JPH3: variants seen among roughly 807,000 people sequenced by gnomAD.
The protein encoded by JPH3 is junctophilin-3.
In JPH3, 11 loss-of-function variants were observed where a neutral mutation model predicts 59.6. The observed-to-expected ratio is 0.18, with a 90% CI of 0.12 to 0.31. The LOEUF (loss-of-function observed/expected upper bound fraction) is 0.31, where lower values mean the gene tolerates loss of function less well. Among genes scored for constraint, JPH3 ranks in the 10% least tolerant of loss-of-function variants. The probability of loss-of-function intolerance (pLI) is 1.00; values close to 1 mark genes in which losing one functional copy is unlikely to be tolerated. For missense variants in JPH3, 1,202 were observed against 1,105.7 expected (o/e 1.09, Z -1.24); for synonymous variants, 673 against 483.6 (o/e 1.39, Z -5.14).
intron 2 of JPH3, among the ~76,000 whole-genome samples, chr16:87,683,211 C>T (rs867930286): frequency 5.3e-5 from 8 of 152,360 alleles, no homozygotes; most frequent in Middle Eastern, 3.4e-3. Context: ...CAGACACACA[C>T]AGCACAGCGG....
chr16:87,685,355 C>T (rs900984172), intron 3 of JPH3, among the ~76,000 whole-genome samples: 9 of 152,262 alleles, frequency 5.9e-5, no homozygotes, highest in African/African-American at 2.2e-4. Flanking sequence ...CCTGGCCCCT[C>T]CAGACACACG....
intron 1 of JPH3, among the ~76,000 whole-genome samples, chr16:87,634,994 C>T (rs1418597281): frequency 1.3e-5 from 2 of 152,198 alleles, no homozygotes; most frequent in African/African-American, 2.4e-5. Context: ...TGAAAGGTGA[C>T]CTCCGCCTGC....
At chr16:87,646,011 G>A (rs2032136081) in intron 2 of JPH3, among the ~76,000 whole-genome samples, 1 of 152,234 alleles carries the variant, frequency 6.6e-6, no homozygotes, top group African/African-American at 2.4e-5. Flanking sequence ...GGCCCTTGGG[G>A]TAGCCCGGAG....
intron 4 of JPH3, among the ~76,000 whole-genome samples, chr16:87,692,536 C>T (rs979779090): frequency 2.0e-5 from 3 of 151,256 alleles, no homozygotes; most frequent in South Asian, 2.1e-4. Context: ...AGAGCTCACA[C>T]GCCAGAGGCC....
intron 1 of JPH3, among the ~76,000 whole-genome samples, chr16:87,630,659 T>C (rs1272896596): frequency 6.6e-6 from 1 of 152,208 alleles, no homozygotes; most frequent in East Asian, 1.9e-4. Context: ...GTGCCCATAG[T>C]TTAAGGTGAC....
intron 1 of JPH3, among the ~76,000 whole-genome samples, chr16:87,636,943 G>A (rs556055867): frequency 6.6e-6 from 1 of 152,296 alleles, no homozygotes; most frequent in East Asian, 1.9e-4. Flanking sequence ...GGACGCGGCT[G>A]CCTGGTTTCA....
At chr16:87,623,507 C>T (rs2031264456) in intron 1 of JPH3, among the ~76,000 whole-genome samples, 1 of 152,236 alleles carries the variant, frequency 6.6e-6, no homozygotes, top group South Asian at 2.1e-4. Flanking sequence ...GGGCTTGAGG[C>T]ATCTTCTAGT....
chr16:87,682,754 G>A (rs1319728178), intron 2 of JPH3, among the ~76,000 whole-genome samples: 3 of 152,192 alleles, frequency 2.0e-5, no homozygotes, highest in Non-Finnish European at 4.4e-5. Context: ...TCTGCTCGGA[G>A]GGGGGATTTG....
At position 87,689,732 on chromosome 16, in the gene JPH3, C is replaced by T; in HGVS notation, c.1372C>T (p.Pro458Ser). The T allele has an allele frequency of 6.2e-7, 1 of 1,612,480 alleles. No individual in the cohort carries two copies. Residue 458 changes from proline to serine, a missense_variant, in exon 4 of 5, where the codon CCC (proline) becomes TCC (serine). Pro to Ser is a moderately conservative substitution (Grantham distance 74, BLOSUM62 -1). Transcript: ENST00000284262. ...STGTPLQQES[P>S]ELYRKGTTPS... Reference sequence around the variant, plus strand: ...CGGGACACCCCTGCAGCAGGAGAGCCCCGAGCTGTACCGCAAGGGCACCAC... The same window carrying T: ...CGGGACACCCCTGCAGCAGGAGAGCTCCGAGCTGTACCGCAAGGGCACCAC...
At chr16:87,658,766 C>G (rs2032596690) in intron 2 of JPH3, among the ~76,000 whole-genome samples, 1 of 152,242 alleles carries the variant, frequency 6.6e-6, no homozygotes, top group African/African-American at 2.4e-5. Flanking sequence ...TCTCCTCCAG[C>G]CACCCCTCAC....
intron 1 of JPH3, among the ~76,000 whole-genome samples, chr16:87,606,079 C>T (rs2150819600): frequency 6.6e-6 from 1 of 152,328 alleles, no homozygotes; most frequent in East Asian, 1.9e-4. Flanking sequence ...TGTCCCCAGG[C>T]AGCCCATGGA....
chr16:87,648,077 G>A (rs2032211753), intron 2 of JPH3, among the ~76,000 whole-genome samples: 1 of 152,182 alleles, frequency 6.6e-6, no homozygotes, highest in African/African-American at 2.4e-5. Context: ...CCCCAGCCCT[G>A]CTGTGACAGG....
intron 1 of JPH3, among the ~76,000 whole-genome samples, chr16:87,638,630 G>A (rs2031837503): frequency 6.6e-6 from 1 of 152,152 alleles, no homozygotes; most frequent in African/African-American, 2.4e-5. Context: ...GGCTTGGGGA[G>A]TGAGGAGAGT....
intron 1 of JPH3, among the ~76,000 whole-genome samples, chr16:87,638,068 C>T (rs567641510): frequency 9.9e-5 from 15 of 152,146 alleles, no homozygotes; most frequent in Non-Finnish European, 1.5e-4. Context: ...TACAGGTGCC[C>T]GCCACCATGC....
rs764066876 is a variant in JPH3 at position 87,690,482 on chromosome 16, C to T, written c.2122C>T (p.Leu708=). ...SPPQKSLPVA[L]ESDEENGDEL... Reference sequence around the variant, plus strand: ...GCCCCAGAAATCCTTGCCTGTCGCTCTAGAGTCCGACGAGGAGAATGGGGA... The same window carrying T: ...GCCCCAGAAATCCTTGCCTGTCGCTTTAGAGTCCGACGAGGAGAATGGGGA... Residue 708 remains leucine (L), a synonymous_variant, in exon 4 of 5, where the codon CTA becomes TTA. Coordinates refer to ENST00000284262, the MANE Select transcript of JPH3 (RefSeq NM_020655.4). 6.7e-7 allele frequency: 1 copy of T among 1,488,254 alleles called. No individual in the cohort carries two copies. Among genetic ancestry groups the T allele is most frequent in the African/African-American group, 1.4e-5 (1 of 70,890 alleles). The allele number at this position is 1,488,254 out of a possible 1,614,324, so 92.2% of individuals were successfully genotyped here.
chr16:87,691,080 C>T (rs1597294863), intron 4 of JPH3, among the ~76,000 whole-genome samples: 1 of 128,630 alleles, frequency 7.8e-6, no homozygotes, highest in Non-Finnish European at 1.6e-5. Context: ...GTCAGCCTCA[C>T]CCAGCACCCC....
intron 1 of JPH3, among the ~76,000 whole-genome samples, chr16:87,637,865 G>C (rs952616045): frequency 2.0e-5 from 3 of 152,130 alleles, no homozygotes; most frequent in Non-Finnish European, 4.4e-5. Flanking sequence ...CCGTGCGGGG[G>C]CTGCTGGTGT....
intron 1 of JPH3, among the ~76,000 whole-genome samples, chr16:87,615,727 C>G (rs1185931327): frequency 1.3e-5 from 2 of 152,204 alleles, no homozygotes; most frequent in South Asian, 2.1e-4. Flanking sequence ...GGTCACACAG[C>G]CAGGGCCATT....
At chr16:87,607,869 G>A (rs921583743) in intron 1 of JPH3, among the ~76,000 whole-genome samples, 12 of 152,260 alleles carry the variant, frequency 7.9e-5, no homozygotes, top group Non-Finnish European at 1.2e-4. Context: ...AGACGAAAGC[G>A]TTTTCTCCGA....
Sources: allele counts gnomAD v4.1 joint callset (sites outside exome capture counted in the v4.1 genomes callset), GRCh38; gene constraint gnomAD v4.1.1; transcripts MANE v1.5; gene names NCBI Gene and HGNC (gene_info 2026-07-23, HGNC 2026-07-21).